The following REEP3 variants were observed in gnomAD, a reference collection of about 807,000 sequenced individuals.
The protein encoded by REEP3 is receptor accessory protein 3.
REEP3 carries 20 observed loss-of-function variants against 41.3 expected under a neutral mutation model. The ratio of observed to expected loss-of-function variants is 0.48; its 90% CI spans 0.34 to 0.70. The LOEUF (loss-of-function observed/expected upper bound fraction) is 0.70. Ranked by LOEUF, REEP3 falls within the 30% of genes least tolerant of loss-of-function variation. The pLI is 0.01. For synonymous variants in REEP3, 104 were observed against 101.8 expected (o/e 1.02, Z -0.13); for missense variants, 271 against 308.8 (o/e 0.88, Z 0.92).
chr10:63,575,549 C>G (rs1325989545), intron 2 of REEP3, among the ~76,000 whole-genome samples: 1 of 152,008 alleles, frequency 6.6e-6, no homozygotes, highest in Non-Finnish European at 1.5e-5. Context: ...GGCACTTGGA[C>G]TGGTTTTCCA....
intron 1 of REEP3, among the ~76,000 whole-genome samples, chr10:63,543,481 T>A (rs1456157941): frequency 1.5e-5 from 2 of 135,276 alleles, no homozygotes; most frequent in Non-Finnish European, 3.2e-5. Flanking sequence ...TTTTTTTTTT[T>A]AGAGACAAGG....
chr10:63,529,840 G>A (rs1416897774), intron 1 of REEP3, among the ~76,000 whole-genome samples: 5 of 150,018 alleles, frequency 3.3e-5, no homozygotes, highest in Admixed American at 1.3e-4. Flanking sequence ...GTGCAATGGC[G>A]CAATCTCGGC....
intron 1 of REEP3, among the ~76,000 whole-genome samples, chr10:63,529,973 T>A (rs538838621): frequency 6.7e-6 from 1 of 148,756 alleles, no homozygotes; most frequent in South Asian, 2.2e-4. Context: ...GAGACAGCGT[T>A]TCACCATGTT....
intron 6 of REEP3, among the ~76,000 whole-genome samples, chr10:63,617,811 TC>T (rs1481678341): frequency 3.2e-5 from 4 of 124,924 alleles, no homozygotes; most frequent in African/African-American, 9.2e-5. Flanking sequence ...ATCCTTCTAC[TC>T]TTTTTTTTTT....
At chr10:63,614,721 T>C (rs1315146463) in intron 6 of REEP3, among the ~76,000 whole-genome samples, 4 of 152,094 alleles carry the variant, frequency 2.6e-5, no homozygotes, top group Non-Finnish European at 5.9e-5. Flanking sequence ...GGAAGAGGAG[T>C]GTCAGAGAAT....
At chr10:63,590,050 C>T (rs1956046583) in intron 2 of REEP3, among the ~76,000 whole-genome samples, 1 of 152,072 alleles carries the variant, frequency 6.6e-6, no homozygotes, top group Non-Finnish European at 1.5e-5. Flanking sequence ...CCACCTCAGC[C>T]TCCCAAAGTG....
chr10:63,529,158 A>G (rs1004389844), intron 1 of REEP3, among the ~76,000 whole-genome samples: 1 of 152,160 alleles, frequency 6.6e-6, no homozygotes, highest in Non-Finnish European at 1.5e-5. Flanking sequence ...TTCACAATTA[A>G]TTTTTCTCAT....
At chr10:63,596,407 A>G (rs1250105374) in intron 3 of REEP3, among the ~76,000 whole-genome samples, 2 of 151,084 alleles carry the variant, frequency 1.3e-5, no homozygotes, top group Non-Finnish European at 2.9e-5. Flanking sequence ...TTATTTAAAA[A>G]TGAACGATGT....
At chr10:63,558,998 A>AT (rs941193514) in intron 1 of REEP3, among the ~76,000 whole-genome samples, 25 of 151,976 alleles carry the variant, frequency 1.6e-4, no homozygotes, top group African/African-American at 4.6e-4. Context: ...ACTGTAATTA[A>AT]TTTTTTTGTT....
At position 63,619,794 on chromosome 10, in the gene REEP3, CAA is replaced by C; in HGVS notation, c.707_708del (p.Lys236ArgfsTer50). 1 of 1,607,418 alleles carries C rather than the reference CAA, an allele frequency of 6.2e-7. No homozygotes were observed. Among genetic ancestry groups the C allele is most frequent in the Non-Finnish European group, 8.5e-7 (1 of 1,176,856 alleles). On this transcript the variant is annotated frameshift_variant, in exon 7 of 8. Coordinates refer to ENST00000373758, the MANE Select transcript of REEP3 (RefSeq NM_001001330.3). LOFTEE classifies it high-confidence loss of function. ...AATCTGTGAAAACCACCAAAGGCCG[CAA>C]AGAGGTTGGTTAAGTGTAGAGCTGT... ...MKSVKTTKGR[K>X]EVRYGSLKYK...
chr10:63,551,951 A>G (rs949001858), intron 1 of REEP3, among the ~76,000 whole-genome samples: 4 of 152,240 alleles, frequency 2.6e-5, no homozygotes, highest in Non-Finnish European at 4.4e-5. Context: ...TATGGGAACT[A>G]TCTGTACTAT....
At position 63,610,296 on chromosome 10, in the gene REEP3, CAA is replaced by C; in HGVS notation, c.532_533del (p.Lys178GlufsTer3). 1.3e-6 allele frequency: 2 copies of C among 1,563,492 alleles called. No individual in the cohort carries two copies. Among genetic ancestry groups the C allele is most frequent in the Non-Finnish European group, 1.7e-6 (2 of 1,152,782 alleles). On this transcript the variant is annotated frameshift_variant, in exon 6 of 8. Coordinates refer to ENST00000373758, the MANE Select transcript of REEP3 (RefSeq NM_001001330.3). LOFTEE classifies it high-confidence loss of function. The stretch of plus-strand genomic sequence containing the variant: ...AGACCATACCAACCTCTACCAGAAG[CAA>C]AAAAGAAAAGTAAACCAGCCCCCAG...
At chr10:63,598,002 T>C in intron 3 of REEP3, 22 bp from the exon 4 acceptor site, 1 of 1,587,604 alleles carries the variant, frequency 6.3e-7, no homozygotes. Context: ...GGCAGTTTAT[T>C]TCCAAATGTT....
At chr10:63,604,170 A>G (rs1956202051) in intron 5 of REEP3, among the ~76,000 whole-genome samples, 1 of 152,258 alleles carries the variant, frequency 6.6e-6, no homozygotes, top group African/African-American at 2.4e-5. Flanking sequence ...TCTAATCAGA[A>G]CATTTATTAC....
chr10:63,577,375 CTCT>C, intron 2 of REEP3, among the ~76,000 whole-genome samples: 2 of 152,124 alleles, frequency 1.3e-5, no homozygotes, highest in African/African-American at 4.8e-5. Context: ...CTTGGAGTCT[CTCT>C]CCTCCTTAAG....
intron 3 of REEP3, 120 bp downstream of exon 3, chr10:63,594,974 T>A (rs980869965): frequency 2.9e-6 from 2 of 698,892 alleles, no homozygotes; most frequent in Non-Finnish European, 2.5e-6. Flanking sequence ...TATCCACCCA[T>A]TTGTTTTTGT....
At chr10:63,553,236 A>G (rs1467809146) in intron 1 of REEP3, among the ~76,000 whole-genome samples, 1 of 152,194 alleles carries the variant, frequency 6.6e-6, no homozygotes, top group Admixed American at 6.5e-5. Context: ...GGAAAAAATT[A>G]CTGTGTTGGA....
At chr10:63,521,716 G>A (rs1955252651) in intron 1 of REEP3, 139 bp downstream of exon 1, 1 of 477,458 alleles carries the variant, frequency 2.1e-6, no homozygotes, top group Non-Finnish European at 3.3e-6. Flanking sequence ...CGAGGGTCTG[G>A]GGGAGCCCTC....
chr10:63,600,365 A>G (rs1329326553), intron 5 of REEP3, among the ~76,000 whole-genome samples: 1 of 152,222 alleles, frequency 6.6e-6, no homozygotes, highest in African/African-American at 2.4e-5. Context: ...ATGGAAGTTT[A>G]TTAACTATGC....
Sources: allele counts gnomAD v4.1 joint callset (sites outside exome capture counted in the v4.1 genomes callset), GRCh38; gene constraint gnomAD v4.1.1; transcripts MANE v1.5; gene names NCBI Gene and HGNC (gene_info 2026-07-23, HGNC 2026-07-21).